The following KCNQ5 variants were observed in gnomAD, a reference collection of about 807,000 sequenced individuals.
KCNQ5 encodes potassium voltage-gated channel subfamily KQT member 5.
KCNQ5 carries 30 observed loss-of-function variants against 98.2 expected under a neutral mutation model. That is an observed-to-expected ratio of 0.31 (90% CI 0.23 to 0.41). The LOEUF is 0.41. Among genes scored for constraint, KCNQ5 ranks in the 10% least tolerant of loss-of-function variants. The pLI is 1.00. For missense variants in KCNQ5, 835 were observed against 1,182.5 expected (o/e 0.71, Z 4.31); for synonymous variants, 458 against 449.4 (o/e 1.02, Z -0.24).
chr6:72,810,751 G>A (rs1185767147), intron 1 of KCNQ5, among the ~76,000 whole-genome samples: 2 of 152,042 alleles, frequency 1.3e-5, no homozygotes, highest in African/African-American at 2.4e-5. Flanking sequence ...GGCATGCTTA[G>A]TCATTACTTT....
intron 1 of KCNQ5, among the ~76,000 whole-genome samples, chr6:72,760,431 GT>G (rs1772206402): frequency 6.9e-6 from 1 of 145,458 alleles, no homozygotes; most frequent in African/African-American, 2.6e-5. Context: ...TAATAGAATT[GT>G]TTTTTTCAGG....
chr6:73,159,143 C>G (rs1312156685), intron 10 of KCNQ5, among the ~76,000 whole-genome samples: 1 of 152,178 alleles, frequency 6.6e-6, no homozygotes, highest in East Asian at 1.9e-4. Flanking sequence ...GTGTTACATA[C>G]ACACCATGGA....
intron 1 of KCNQ5, chr6:72,986,589 G>T (rs1768788202): frequency 1.6e-6 from 1 of 642,324 alleles, no homozygotes; most frequent in Non-Finnish European, 2.8e-6. Flanking sequence ...AGCACCCTTT[G>T]TGAGGAGCAC....
chr6:72,795,254 C>T (rs1463901534), intron 1 of KCNQ5, among the ~76,000 whole-genome samples: 1 of 152,110 alleles, frequency 6.6e-6, no homozygotes, highest in Non-Finnish European at 1.5e-5. Context: ...TGCTGATTGC[C>T]AGGCCAAGGT....
chr6:72,922,350 G>A (rs1780435743), intron 1 of KCNQ5, among the ~76,000 whole-genome samples: 1 of 152,060 alleles, frequency 6.6e-6, no homozygotes, highest in East Asian at 1.9e-4. Flanking sequence ...TTTAATATAT[G>A]TATACACTTT....
chr6:72,664,049 T>A (rs1365256287), intron 1 of KCNQ5, among the ~76,000 whole-genome samples: 1 of 152,218 alleles, frequency 6.6e-6, no homozygotes, highest in Non-Finnish European at 1.5e-5. Flanking sequence ...ATTTCCTAAA[T>A]ACTTTGCACA....
At chr6:72,682,163 C>T (rs960163100) in intron 1 of KCNQ5, among the ~76,000 whole-genome samples, 4 of 152,182 alleles carry the variant, frequency 2.6e-5, no homozygotes, top group African/African-American at 9.7e-5. Flanking sequence ...TGGACAATTC[C>T]TCACATGGTT....
At chr6:72,988,571 G>A (rs1023933368) in intron 1 of KCNQ5, among the ~76,000 whole-genome samples, 10 of 151,672 alleles carry the variant, frequency 6.6e-5, no homozygotes, top group African/African-American at 2.4e-4. Flanking sequence ...GACTACCAGA[G>A]TGTAATACCC....
At chr6:73,080,657 T>C (rs1466094908) in intron 5 of KCNQ5, among the ~76,000 whole-genome samples, 2 of 152,188 alleles carry the variant, frequency 1.3e-5, no homozygotes, top group Non-Finnish European at 2.9e-5. Context: ...TTAATAACTA[T>C]GGAAGTATCC....
Position 72,702,388 on chromosome 6 carries a change from AG to A in KCNQ5, c.398+79802del, listed in dbSNP as rs531455496. 8.5e-4 allele frequency among the ~76,000 whole-genome samples: 130 copies of A among 152,290 alleles called. 1 individual carries two copies. The highest frequency in any genetic ancestry group is 3.0e-3 in the African/African-American group (124 of 41,562). ...AGGGAAATAAATATGAACATTCCTG[AG>A]TTATTGGCCAAGATTAAGGAAATAC... On this transcript the variant is annotated intron_variant, in intron 1 of 13. Coordinates refer to ENST00000370398, the MANE Select transcript of KCNQ5 (RefSeq NM_019842.4).
intron 3 of KCNQ5, among the ~76,000 whole-genome samples, chr6:73,044,754 T>C (rs1181970304): frequency 1.3e-5 from 2 of 152,028 alleles, no homozygotes; most frequent in African/African-American, 4.8e-5. Flanking sequence ...TGTGACAAAA[T>C]GAAAAAAGAA....
intron 1 of KCNQ5, among the ~76,000 whole-genome samples, chr6:72,813,514 C>T (rs1050827894): frequency 2.6e-5 from 4 of 152,112 alleles, no homozygotes; most frequent in African/African-American, 9.7e-5. Flanking sequence ...TCTTCCTTTA[C>T]GTCCCACAAT....
At position 73,133,602 on chromosome 6, in the gene KCNQ5, C is replaced by A. The variant is rs1050089695; in HGVS notation, c.1429C>A (p.Leu477Met). ...FNDRTRFRPS[L>M]RLKSSQPKPV... is the part of the protein sequence containing the mutation. Reference sequence around the variant, plus strand: ...CGACCGAACCCGCTTCCGGCCCTCGCTGCGCCTCAAAAGTTCTCAGCCAAA... The same window carrying A: ...CGACCGAACCCGCTTCCGGCCCTCGATGCGCCTCAAAAGTTCTCAGCCAAA... The change falls in exon 10 of 14, where the codon CTG becomes ATG. Residue 477 changes from leucine (L) to methionine (M), a missense_variant. This residue lies in a region of KCNQ5 where 146 missense variants were observed against 256.7 expected (regional missense o/e 0.57). Coordinates refer to ENST00000370398, the MANE Select transcript of KCNQ5 (RefSeq NM_019842.4). 6 of 1,614,090 alleles carry A rather than the reference C, an allele frequency of 3.7e-6. No homozygotes were observed. Among genetic ancestry groups the A allele is most frequent in the African/African-American group, 2.7e-5 (2 of 74,926 alleles).
At chr6:73,137,806 C>T (rs1406342243) in intron 10 of KCNQ5, among the ~76,000 whole-genome samples, 4 of 152,132 alleles carry the variant, frequency 2.6e-5, no homozygotes, top group Non-Finnish European at 5.9e-5. Flanking sequence ...TTTCACGGTC[C>T]TCCTACAAAC....
intron 1 of KCNQ5, among the ~76,000 whole-genome samples, chr6:72,771,056 A>G (rs1582258461): frequency 2.0e-5 from 3 of 152,148 alleles, no homozygotes; most frequent in Non-Finnish European, 4.4e-5. Flanking sequence ...GTGCACTGAA[A>G]GAAGTTGTTG....
chr6:73,093,772 G>A (rs186443413), intron 5 of KCNQ5, among the ~76,000 whole-genome samples: 1 of 152,184 alleles, frequency 6.6e-6, no homozygotes, highest in Admixed American at 6.6e-5. Context: ...CTGAGAGAGT[G>A]CTTGATATAA....
chr6:72,653,398 G>C (rs1273755445), intron 1 of KCNQ5, among the ~76,000 whole-genome samples: 1 of 151,966 alleles, frequency 6.6e-6, no homozygotes, highest in Non-Finnish European at 1.5e-5. Flanking sequence ...TTGTTGCATA[G>C]ATGTAAATTT....
At chr6:72,904,280 A>G (rs747527690) in intron 1 of KCNQ5, among the ~76,000 whole-genome samples, 1 of 152,132 alleles carries the variant, frequency 6.6e-6, no homozygotes, top group Non-Finnish European at 1.5e-5. Flanking sequence ...GGCAGCAGAT[A>G]GTTGGTTGGT....
At chr6:73,074,186 A>G (rs1773418587) in intron 3 of KCNQ5, among the ~76,000 whole-genome samples, 1 of 152,206 alleles carries the variant, frequency 6.6e-6, no homozygotes, top group Non-Finnish European at 1.5e-5. Context: ...ACACTGTGGA[A>G]CCACCATTCT....
Sources: allele counts gnomAD v4.1 joint callset (sites outside exome capture counted in the v4.1 genomes callset), GRCh38; gene constraint gnomAD v4.1.1; regional missense constraint gnomAD v4.1.1; transcripts MANE v1.5; gene names NCBI Gene and HGNC (gene_info 2026-07-23, HGNC 2026-07-21).